DNAI4: variants seen among roughly 807,000 people sequenced by gnomAD.
DNAI4 encodes the protein WD repeat domain 78.
In DNAI4, 85 loss-of-function variants were observed where a neutral mutation model predicts 105.8. The observed-to-expected ratio is 0.80, with a 90% CI of 0.67 to 0.96. The LOEUF is 0.96. DNAI4 is among the 40% of genes least tolerant of loss of function. The pLI, the probability that DNAI4 is intolerant of heterozygous loss-of-function variation, is 0.00. For synonymous variants in DNAI4, 352 were observed against 331.5 expected (o/e 1.06, Z -0.67); for missense variants, 1,014 against 1,005.6 (o/e 1.01, Z -0.11).
chr1:66,867,173 T>C (rs1005010770), intron 6 of DNAI4, among the ~76,000 whole-genome samples: 1 of 152,228 alleles, frequency 6.6e-6, no homozygotes, highest in Admixed American at 6.5e-5. Context: ...CAGTGTTCCA[T>C]TACATTCTTG....
chr1:66,830,976 C>CAAAAAAA (rs71242799), intron 13 of DNAI4, among the ~76,000 whole-genome samples: 1 of 81,802 alleles, frequency 1.2e-5, no homozygotes, highest in Non-Finnish European at 2.2e-5. Flanking sequence ...GACTCTGTCA[C>CAAAAAAA]AAAAAAAAAA....
chr1:66,899,925 T>C (rs1030252920), intron 2 of DNAI4, among the ~76,000 whole-genome samples: 1 of 151,040 alleles, frequency 6.6e-6, no homozygotes, highest in Non-Finnish European at 1.5e-5. Flanking sequence ...TACATGTCTA[T>C]CTTTGTGCCA....
chr1:66,924,643 T>A lies in DNAI4; in HGVS notation c.170+19A>T. ...GGGTCCCAGGGGGATGGACTACGGT[T>A]TTTAGCGCCGGAACTTACAACCCGA... On this transcript the variant is annotated intron_variant, in intron 1 of 16. Coordinates refer to ENST00000371026, the MANE Select transcript of DNAI4 (RefSeq NM_024763.5). The A allele has an allele frequency of 6.2e-7, 1 of 1,614,200 alleles. No homozygotes were observed. Among genetic ancestry groups the A allele is most frequent in the Non-Finnish European group, 8.5e-7 (1 of 1,180,028 alleles).
intron 6 of DNAI4, among the ~76,000 whole-genome samples, chr1:66,869,928 A>AATGAGTG (rs1646806219): frequency 6.6e-6 from 1 of 152,218 alleles, no homozygotes; most frequent in Non-Finnish European, 1.5e-5. Flanking sequence ...CCTAAGTAGG[A>AATGAGTG]ATGAGTGAGA....
At chr1:66,887,207 C>T (rs766535410) in intron 4 of DNAI4, among the ~76,000 whole-genome samples, 2 of 152,166 alleles carry the variant, frequency 1.3e-5, no homozygotes, top group Non-Finnish European at 2.9e-5. Flanking sequence ...TCCAGCAATT[C>T]ATGAAAATAA....
In DNAI4 at chr1:66,923,978, A is replaced by G. The variant is rs1435824722; in HGVS notation, c.170+684T>C. The stretch of plus-strand genomic sequence containing the variant: ...AAAGTAAGATGGTATTGACGAGACG[A>G]CAATAAAATACCTCTACTACAGAGC... On this transcript the variant is annotated intron_variant, in intron 1 of 16. Transcript: ENST00000371026. Among the ~76,000 whole-genome samples, 6 of 152,218 alleles carry G rather than the reference A, an allele frequency of 3.9e-5. 1 individual carries two copies. The South Asian group carries it at 6.2e-4, about 16-fold the overall frequency.
chr1:66,852,858 T>C lies in DNAI4; in HGVS notation c.1097-5180A>G, dbSNP rs375384884. Among the ~76,000 whole-genome samples, 7 of 152,288 alleles carry C rather than the reference T, an allele frequency of 4.6e-5. No individual in the cohort carries two copies. In the East Asian group the frequency reaches 1.2e-3, roughly 25 times the overall value. Reference sequence around the variant, plus strand: ...AATGAGATTAGTGTCCTGAAAAAGATACCTCCAGAGAGCTCTTTTGCTCTG... The same window carrying C: ...AATGAGATTAGTGTCCTGAAAAAGACACCTCCAGAGAGCTCTTTTGCTCTG... On this transcript the variant is annotated intron_variant, in intron 7 of 16. Coordinates refer to ENST00000371026, the MANE Select transcript of DNAI4 (RefSeq NM_024763.5).
In DNAI4 at chr1:66,873,852, C is replaced by CTTT. The variant is rs749140367; in HGVS notation, c.800+926_800+928dup. Among the ~76,000 whole-genome samples the CTTT allele has an allele frequency of 1.8e-3, 199 of 110,154 alleles. 3 individuals carry two copies. Among genetic ancestry groups the CTTT allele is most frequent in the African/African-American group, 6.4e-3 (166 of 25,970 alleles). The allele number at this position is 110,154 out of a possible 152,430, so 72.3% of individuals were successfully genotyped here. A position where few individuals can be genotyped will look rare whatever the true frequency, so the allele number is the denominator to read the frequency against. ...TGTCCCTTTCTTTTTTCCCTCTTTC[C>CTTT]TTTTTTTTTTTTTTTTTTTTTTTGG... On this transcript the variant is annotated intron_variant, in intron 5 of 16. Transcript: ENST00000371026.
intron 2 of DNAI4, among the ~76,000 whole-genome samples, chr1:66,901,539 T>A (rs527709634): frequency 6.6e-6 from 1 of 152,318 alleles, no homozygotes; most frequent in East Asian, 1.9e-4. Context: ...ATTTCATCAA[T>A]GATTTTTCAT....
rs372036367 is a variant in DNAI4, at chr1:66,823,587, T to G, written c.2340-1070A>C. Among the ~76,000 whole-genome samples the G allele has an allele frequency of 6.3e-4, 94 of 149,328 alleles. No homozygotes were observed. The East Asian group carries it at 0.014, about 22-fold the overall frequency. On this transcript the variant is annotated intron_variant, in intron 15 of 16. Coordinates refer to ENST00000371026, the MANE Select transcript of DNAI4 (RefSeq NM_024763.5). The stretch of plus-strand genomic sequence containing the variant: ...CAGCACCTGTTGTTTCCTGACTTTT[T>G]AATGACTGCCATTCTAACTGGTGTG...
chr1:66,885,527 G>T (rs1028517585), intron 4 of DNAI4, among the ~76,000 whole-genome samples: 5 of 151,928 alleles, frequency 3.3e-5, no homozygotes, highest in African/African-American at 1.2e-4. Flanking sequence ...TTGTTTATTT[G>T]GTTTGTGATG....
chr1:66,924,754 G>T lies in DNAI4; in HGVS notation c.78C>A (p.Gly26=), dbSNP rs779724129. The T allele has an allele frequency of 4.3e-6, 7 of 1,613,930 alleles. No individual in the cohort carries two copies. The highest frequency in any genetic ancestry group is 5.9e-6 in the Non-Finnish European group (7 of 1,179,994). ...GGAWGYRDFR[G]GQKKGWCTTP... is the part of the protein sequence containing the mutation. ...TGGTGCACCACCCCTTTTTTTGGCC[G>T]CCTCTGAAGTCCCTGTACCCCCAAG... Residue 26 remains glycine, a synonymous_variant, in exon 1 of 17, where the codon GGC becomes GGA. Transcript: ENST00000371026.
intron 3 of DNAI4, among the ~76,000 whole-genome samples, chr1:66,892,039 T>C (rs547187547): frequency 6.6e-6 from 1 of 152,360 alleles, no homozygotes; most frequent in African/African-American, 2.4e-5. Flanking sequence ...TATTTCATTT[T>C]ATAAAGGCCT....
At position 66,891,138 on chromosome 1, in the gene DNAI4, A is replaced by T. The variant is rs1647603570; in HGVS notation, c.643+16T>A. ...TAACGGACTGTTACTGAAATAAACAAGTATATTTTCATTACCTGTGAAACT... is the reference window on the plus strand; with the variant it reads ...TAACGGACTGTTACTGAAATAAACATGTATATTTTCATTACCTGTGAAACT... On this transcript the variant is annotated intron_variant, in intron 4 of 16. Transcript: ENST00000371026. The T allele has an allele frequency of 1.3e-6, 2 of 1,531,166 alleles. No homozygotes were observed. The highest frequency in any genetic ancestry group is 2.3e-5 in the East Asian group (1 of 44,416). 94.8% of individuals were successfully genotyped at this position (1,531,166 alleles called of 1,614,324 possible). A position where few individuals can be genotyped will look rare whatever the true frequency, so the allele number is the denominator to read the frequency against.
At chr1:66,830,713 G>A (rs1318569087) in intron 13 of DNAI4, among the ~76,000 whole-genome samples, 7 of 151,412 alleles carry the variant, frequency 4.6e-5, no homozygotes, top group African/African-American at 7.3e-5. Context: ...CCCAGGAGGC[G>A]GAGGTTGCAG....
intron 6 of DNAI4, among the ~76,000 whole-genome samples, chr1:66,864,395 G>T (rs2100619030): frequency 6.6e-6 from 1 of 152,170 alleles, no homozygotes; most frequent in Middle Eastern, 3.4e-3. Context: ...TCCAAACTAT[G>T]CCTTTTTTTT....
At chr1:66,923,142 AC>A (rs1650652395) in intron 1 of DNAI4, among the ~76,000 whole-genome samples, 1 of 152,242 alleles carries the variant, frequency 6.6e-6, no homozygotes, top group South Asian at 2.1e-4. Context: ...GCATTGTGTT[AC>A]AATTGCCTAC....
chr1:66,866,846 A>G (rs1214958154), intron 6 of DNAI4, among the ~76,000 whole-genome samples: 1 of 152,192 alleles, frequency 6.6e-6, no homozygotes, highest in East Asian at 1.9e-4. Flanking sequence ...TTATAAATTA[A>G]AATTAAAAAT....
At position 66,813,957 on chromosome 1, in the gene DNAI4, T is replaced by C; in HGVS notation, c.*173A>G. On this transcript the variant is annotated 3_prime_UTR_variant, in exon 17 of 17. Transcript: ENST00000371026. ...ACTCTTAAGAATAACTCTTAGATTG[T>C]AAACTAATCAAATATCTCTGAAATA... The C allele has an allele frequency of 1.8e-6, 1 of 541,942 alleles. No individual in the cohort carries two copies. Among genetic ancestry groups the C allele is most frequent in the Non-Finnish European group, 3.2e-6 (1 of 316,246 alleles). 33.6% of individuals were successfully genotyped at this position (541,942 alleles called of 1,614,324 possible).
Sources: gnomAD v4.1 joint callset for allele counts (sites outside exome capture counted in the v4.1 genomes callset) on GRCh38, gnomAD v4.1.1 for gene constraint, MANE v1.5 for transcripts, NCBI Gene and HGNC (gene_info 2026-07-23, HGNC 2026-07-21) for gene names.